Variants in ANGPT4 observed in about 807,000 individuals in gnomAD.
ANGPT4 encodes angiopoietin-4.
Under a neutral mutation model 53.0 loss-of-function variants are expected in ANGPT4, and 50 were observed. The ratio of observed to expected loss-of-function variants is 0.94; its 90% CI spans 0.75 to 1.20. ANGPT4 has a LOEUF of 1.20. ANGPT4 is among the 50% of genes most tolerant of loss of function. The pLI is 0.00. For synonymous variants in ANGPT4, 251 were observed against 259.7 expected (o/e 0.97, Z 0.32); for missense variants, 648 against 637.1 (o/e 1.02, Z -0.18).
intron 1 of ANGPT4, among the ~76,000 whole-genome samples, chr20:896,540 G>A (rs1982058843): frequency 6.6e-6 from 1 of 152,160 alleles, no homozygotes; most frequent in South Asian, 2.1e-4. Flanking sequence ...AAATGAAGAT[G>A]GTAACAATGA....
At chr20:880,657 C>G (rs1981366223) in intron 5 of ANGPT4, among the ~76,000 whole-genome samples, 1 of 152,168 alleles carries the variant, frequency 6.6e-6, no homozygotes, top group South Asian at 2.1e-4. Flanking sequence ...CTCTCAGACC[C>G]TCCCTCCTGA....
intron 1 of ANGPT4, among the ~76,000 whole-genome samples, chr20:915,646 G>T (rs1331636472): frequency 2.0e-5 from 3 of 152,130 alleles, no homozygotes; most frequent in Non-Finnish European, 4.4e-5. Flanking sequence ...ACCCAGGAAG[G>T]CTTGGTCCGT....
In ANGPT4 at chr20:914,526, C is replaced by G. The variant is rs531192; in HGVS notation, c.309+1380G>C. ...ATTCTTTGGTCTGCTGCATGGAGAA[C>G]AGGAGGTGGGGGCCGAGTGTTAGCA... On this transcript the variant is annotated intron_variant, in intron 1 of 8. Coordinates refer to ENST00000381922, the MANE Select transcript of ANGPT4 (RefSeq NM_015985.4). This position sits in a 1 kb window ranked among gnomAD's most constrained non-coding sequence, Gnocchi z 5.0. 5.9e-5 allele frequency among the ~76,000 whole-genome samples: 9 copies of G among 151,894 alleles called. No homozygotes were observed. The highest frequency in any genetic ancestry group is 4.6e-4 in the Admixed American group (7 of 15,268).
chr20:881,598 G>A (rs960871193), intron 4 of ANGPT4, among the ~76,000 whole-genome samples: 1 of 152,224 alleles, frequency 6.6e-6, no homozygotes, highest in African/African-American at 2.4e-5. Flanking sequence ...TAAGGCTGAG[G>A]CCAAGGAGAG....
intron 2 of ANGPT4, among the ~76,000 whole-genome samples, chr20:889,654 T>A (rs1432723960): frequency 6.6e-6 from 1 of 152,184 alleles, no homozygotes; most frequent in Non-Finnish European, 1.5e-5. Flanking sequence ...AGTAGGAATG[T>A]ATGCCTGCTT....
chr20:892,487 C>G (rs1981884831), intron 1 of ANGPT4, among the ~76,000 whole-genome samples: 1 of 151,608 alleles, frequency 6.6e-6, no homozygotes, highest in Non-Finnish European at 1.5e-5. Context: ...TCTTAGCTAC[C>G]CAGGAGACTG....
chr20:915,176 G>C (rs1357494266), intron 1 of ANGPT4, among the ~76,000 whole-genome samples: 4 of 151,900 alleles, frequency 2.6e-5, no homozygotes, highest in Non-Finnish European at 4.4e-5. Context: ...TCACAACCTT[G>C]CAGTGGCTCC....
chr20:901,580 T>C (rs2122845434), intron 1 of ANGPT4, among the ~76,000 whole-genome samples: 1 of 152,334 alleles, frequency 6.6e-6, no homozygotes, highest in East Asian at 1.9e-4. Flanking sequence ...GGTGGTCTCT[T>C]CACACGGACG....
chr20:910,582 T>G (rs1298482558), intron 1 of ANGPT4, among the ~76,000 whole-genome samples: 1 of 152,180 alleles, frequency 6.6e-6, no homozygotes, highest in Non-Finnish European at 1.5e-5. Flanking sequence ...AGAGTCTGAC[T>G]GGAGGTGCAG....
chr20:898,270 C>T (rs749695770), intron 1 of ANGPT4, among the ~76,000 whole-genome samples: 1 of 152,166 alleles, frequency 6.6e-6, no homozygotes, highest in Non-Finnish European at 1.5e-5. Flanking sequence ...TATCACCTCC[C>T]CTGCTCACAC....
chr20:915,459 T>C (rs1302803099), intron 1 of ANGPT4, among the ~76,000 whole-genome samples: 4 of 152,220 alleles, frequency 2.6e-5, no homozygotes, highest in African/African-American at 2.4e-5. Flanking sequence ...TGGGTTCAAA[T>C]GTCACCTCCT....
intron 7 of ANGPT4, among the ~76,000 whole-genome samples, chr20:877,406 C>G (rs1267185718): frequency 6.6e-6 from 1 of 152,210 alleles, no homozygotes; most frequent in Non-Finnish European, 1.5e-5. Flanking sequence ...GTGGAGACAT[C>G]ATGAGTTTTG....
In ANGPT4 at chr20:890,226, T is replaced by C; in HGVS notation, c.452A>G (p.Asp151Gly). The change falls in exon 2 of 9, where the codon GAC becomes GGC. Residue 151 changes from aspartate to glycine, a missense_variant. Coordinates refer to ENST00000381922, the MANE Select transcript of ANGPT4 (RefSeq NM_015985.4). ...QTTAQIRKLTDMEAQLLNQTS... is the reference protein window; with the variant it reads ...QTTAQIRKLTGMEAQLLNQTS... ...ACCCTCTGTTACCTGAGCCTCCATG[T>C]CGGTCAGCTTGCGGATCTGGGCAGT... The C allele has an allele frequency of 6.2e-7, 1 of 1,613,726 alleles. No homozygotes were observed.
chr20:879,632 G>A, intron 6 of ANGPT4, 115 bp downstream of exon 6: 1 of 717,962 alleles, frequency 1.4e-6, no homozygotes, highest in South Asian at 2.4e-5. Flanking sequence ...GTCAGCTTTA[G>A]ATGAGTTGAT....
chr20:884,536 G>A (rs151258833), intron 4 of ANGPT4, among the ~76,000 whole-genome samples: 1 of 152,220 alleles, frequency 6.6e-6, no homozygotes, highest in Admixed American at 6.5e-5. Context: ...GTCAGTGAGA[G>A]CCTGGGAGCC....
At chr20:885,561 A>G (rs1224681870) in intron 3 of ANGPT4, among the ~76,000 whole-genome samples, 2 of 152,206 alleles carry the variant, frequency 1.3e-5, no homozygotes, top group Non-Finnish European at 2.9e-5. Context: ...GACACCAGCA[A>G]CTGGGTAGCT....
In ANGPT4 at chr20:884,976, C is replaced by T; in HGVS notation, c.835+102G>A. The T allele has an allele frequency of 9.3e-6, 14 of 1,512,522 alleles. No homozygotes were observed. The South Asian group carries it at 1.8e-4, about 19-fold the overall frequency. 93.7% of individuals were successfully genotyped at this position (1,512,522 alleles called of 1,614,324 possible). A position where few individuals can be genotyped will look rare whatever the true frequency, so the allele number is the denominator to read the frequency against. On this transcript the variant is annotated intron_variant, in intron 4 of 8. Transcript: ENST00000381922. ...AGATGGTCGGGGAGGGTGGGGCCCGCAATGGCTCCCAGGCGCCCAGAGACC... is the reference window on the plus strand; with the variant it reads ...AGATGGTCGGGGAGGGTGGGGCCCGTAATGGCTCCCAGGCGCCCAGAGACC...
chr20:882,494 T>C (rs1416379876), intron 4 of ANGPT4, among the ~76,000 whole-genome samples: 3 of 149,980 alleles, frequency 2.0e-5, no homozygotes, highest in African/African-American at 4.8e-5. Flanking sequence ...GGGGCACTTG[T>C]CCAGAGAAGG....
chr20:875,760 G>A (rs548492771), intron 7 of ANGPT4, among the ~76,000 whole-genome samples: 53 of 152,240 alleles, frequency 3.5e-4, no homozygotes, highest in South Asian at 8.3e-4. Flanking sequence ...GAGAGAATGC[G>A]GGGTGTTTGT....
Sources: gnomAD v4.1 joint callset for allele counts (sites outside exome capture counted in the v4.1 genomes callset) on GRCh38, gnomAD v4.1.1 for gene constraint, Gnocchi (gnomAD v3.1) non-coding constraint, MANE v1.5 for transcripts, NCBI Gene and HGNC (gene_info 2026-07-23, HGNC 2026-07-21) for gene names.